EPB41L3: variants seen among roughly 807,000 people sequenced by gnomAD.
The protein encoded by EPB41L3 is erythrocyte membrane protein band 4.1 like 3.
A neutral mutation model predicts 127.1 loss-of-function variants in EPB41L3; 57 were observed. The observed-to-expected ratio is 0.45, with a 90% CI of 0.36 to 0.56. The LOEUF (loss-of-function observed/expected upper bound fraction) is 0.56. Ranked by LOEUF, EPB41L3 falls within the 20% of genes least tolerant of loss-of-function variation. The pLI, the probability that EPB41L3 is intolerant of heterozygous loss-of-function variation, is 0.00. For missense variants in EPB41L3, 1,273 were observed against 1,372.2 expected, an observed-to-expected ratio of 0.93 and a Z score of 1.14; for synonymous variants, 572 against 549.5, an observed-to-expected ratio of 1.04 and a Z score of -0.57.
At position 5,406,837 on chromosome 18, in the gene EPB41L3, G is replaced by C. The variant is rs569408156; in HGVS notation, c.2289C>G (p.Pro763=). The change falls in exon 16 of 23, where the codon CCC becomes CCG. Residue 763 remains proline (P), a synonymous_variant. Transcript: ENST00000341928. ...CCTCCTGCCTGGCGGCCAGTCGCACGGGGGAGGTGGAAAGCCTCTTCTCCC... is the reference window on the plus strand; with the variant it reads ...CCTCCTGCCTGGCGGCCAGTCGCACCGGGGAGGTGGAAAGCCTCTTCTCCC... ...NEWEKRLSTS[P]VRLAARQEDA... The C allele has an allele frequency of 1.2e-6, 2 of 1,614,146 alleles. No homozygotes were observed. Among genetic ancestry groups the C allele is most frequent in the Non-Finnish European group, 8.5e-7 (1 of 1,180,010 alleles).
chr18:5,505,810 T>C (rs1222815726), intron 1 of EPB41L3, among the ~76,000 whole-genome samples: 66 of 27,634 alleles, frequency 2.4e-3, no homozygotes, highest in Admixed American at 4.4e-3. Context: ...CTCCACCCCT[T>C]CCCTCTACAC....
intron 3 of EPB41L3, among the ~76,000 whole-genome samples, chr18:5,606,585 A>G (rs144587228): frequency 4.2e-4 from 64 of 152,178 alleles, no homozygotes; most frequent in African/African-American, 1.5e-3. Context: ...TCATTTTTCT[A>G]TTTATTTGGT....
intron 2 of EPB41L3, among the ~76,000 whole-genome samples, chr18:5,481,808 T>C (rs1187695704): frequency 2.0e-5 from 3 of 151,876 alleles, no homozygotes; most frequent in Non-Finnish European, 2.9e-5. Flanking sequence ...CAAGCGGCAC[T>C]CCCATCGCTT....
rs144024379 is a variant in EPB41L3 at position 5,414,339 on chromosome 18, C to A, written c.2067+1479G>T. 2.4e-3 allele frequency among the ~76,000 whole-genome samples: 365 copies of A among 152,248 alleles called. 1 individual carries two copies. Among genetic ancestry groups the A allele is most frequent in the African/African-American group, 8.1e-3 (335 of 41,548 alleles). ...TTGGAGCAAATCGTTATATATAACT[C>A]AAGAACCTTGAAAATGTCTCTTATG... On this transcript the variant is annotated intron_variant, in intron 13 of 22. Coordinates refer to ENST00000341928, the MANE Select transcript of EPB41L3 (RefSeq NM_012307.5).
chr18:5,586,248 A>AT (rs1472776488), intron 3 of EPB41L3, among the ~76,000 whole-genome samples: 1 of 152,206 alleles, frequency 6.6e-6, no homozygotes, highest in Non-Finnish European at 1.5e-5. Context: ...ATTTTGGCAT[A>AT]TGTCAGACTT....
In EPB41L3 at chr18:5,489,098, G is replaced by A. The variant is rs776307591; in HGVS notation, c.86C>T (p.Ala29Val). Reference sequence around the variant, plus strand: ...GGGCGGCTCCGGCACGGGCGCCCCCGCGCGCCCCTGCGCCCCCGCCGCCTC... The same window carrying A: ...GGGCGGCTCCGGCACGGGCGCCCCCACGCGCCCCTGCGCCCCCGCCGCCTC... ...PQEAAGAQGR[A>V]GAPVPEPPKE... The change falls in exon 2 of 23, where the codon GCG becomes GTG. Residue 29 changes from alanine to valine, a missense_variant. Coordinates refer to ENST00000341928, the MANE Select transcript of EPB41L3 (RefSeq NM_012307.5). The A allele has an allele frequency of 8.2e-6, 13 of 1,592,318 alleles. No homozygotes were observed. The East Asian group carries it at 1.1e-4, about 14-fold the overall frequency.
intron 3 of EPB41L3, among the ~76,000 whole-genome samples, chr18:5,558,744 C>G (rs965939545): frequency 6.6e-6 from 1 of 152,192 alleles, no homozygotes; most frequent in African/African-American, 2.4e-5. Context: ...ATATTAAGCT[C>G]CTCCAATTGT....
At chr18:5,447,257 T>C (rs2081597224) in intron 3 of EPB41L3, among the ~76,000 whole-genome samples, 1 of 152,182 alleles carries the variant, frequency 6.6e-6, no homozygotes, top group Non-Finnish European at 1.5e-5. Context: ...ATTCCATAGA[T>C]GTCAGCTATT....
chr18:5,416,281 T>A lies in EPB41L3; in HGVS notation c.1604A>T (p.Asn535Ile), dbSNP rs776750033. The change falls in exon 13 of 23, where the codon AAT becomes ATT. Residue 535 changes from asparagine (N) to isoleucine (I), a missense_variant. Physicochemically the swap from Asn to Ile is moderately radical, Grantham distance 149. This residue lies in a region of EPB41L3 where 765 missense variants were observed against 782.9 expected (regional missense o/e 0.98). Coordinates refer to ENST00000341928, the MANE Select transcript of EPB41L3 (RefSeq NM_012307.5). ...PTELRRRCKE[N>I]DCKLPGYEPS... ...CTCATAACCTGGCAGTTTGCAGTCATTCTCCTTACACCTCCTACGGAGCTC... is the reference window on the plus strand; with the variant it reads ...CTCATAACCTGGCAGTTTGCAGTCAATCTCCTTACACCTCCTACGGAGCTC... 6.2e-7 allele frequency: 1 copy of A among 1,614,112 alleles called. No individual in the cohort carries two copies. Among genetic ancestry groups the A allele is most frequent in the Admixed American group, 1.7e-5 (1 of 60,008 alleles).
upstream of EPB41L3, among the ~76,000 whole-genome samples, chr18:5,547,056 T>TACTACTC (rs1370442128): frequency 1.3e-5 from 2 of 151,874 alleles, no homozygotes; most frequent in Non-Finnish European, 2.9e-5. Flanking sequence ...TATCACCTCT[T>TACTACTC]ACTAAGTAAA....
At chr18:5,507,061 G>C (rs527741508) in intron 1 of EPB41L3, among the ~76,000 whole-genome samples, 16 of 152,096 alleles carry the variant, frequency 1.1e-4, no homozygotes, top group Non-Finnish European at 2.1e-4. Context: ...AAATGAAACA[G>C]GCAAACATGT....
intron 16 of EPB41L3, chr18:5,398,514 T>G: frequency 2.5e-6 from 1 of 403,530 alleles, no homozygotes; most frequent in Admixed American, 4.3e-5. Context: ...GAAAAAAAAT[T>G]AAGAAGCTGG....
chr18:5,436,147 G>A (rs1354107105), intron 6 of EPB41L3, among the ~76,000 whole-genome samples: 2 of 152,244 alleles, frequency 1.3e-5, no homozygotes, highest in Non-Finnish European at 2.9e-5. Context: ...ACATTGATGA[G>A]TTTTAATAAT....
At chr18:5,606,284 G>A (rs557715791) in intron 3 of EPB41L3, among the ~76,000 whole-genome samples, 2 of 152,224 alleles carry the variant, frequency 1.3e-5, no homozygotes, top group South Asian at 2.1e-4. Flanking sequence ...GGGTTATATC[G>A]ATAACATCTT....
chr18:5,490,003 A>C (rs1183780366), intron 1 of EPB41L3, among the ~76,000 whole-genome samples: 3 of 152,230 alleles, frequency 2.0e-5, no homozygotes, highest in African/African-American at 7.2e-5. Flanking sequence ...ATTGCAAGTC[A>C]AGATGTTTCA....
At chr18:5,395,944 T>C (rs1343994631) in intron 19 of EPB41L3, among the ~76,000 whole-genome samples, 1 of 152,176 alleles carries the variant, frequency 6.6e-6, no homozygotes, top group Non-Finnish European at 1.5e-5. Flanking sequence ...TGAATATTTT[T>C]CTTTCTCTGT....
At chr18:5,583,729 A>T (rs560049439) in intron 3 of EPB41L3, among the ~76,000 whole-genome samples, 1 of 151,586 alleles carries the variant, frequency 6.6e-6, no homozygotes, top group African/African-American at 2.4e-5. Context: ...CTTAAAATTG[A>T]AGAGCTATAT....
At position 5,469,254 on chromosome 18, in the gene EPB41L3, C is replaced by T. The variant is rs1355429215; in HGVS notation, c.381+8987G>A. On this transcript the variant is annotated intron_variant, in intron 3 of 22. Coordinates refer to ENST00000341928, the MANE Select transcript of EPB41L3 (RefSeq NM_012307.5). The stretch of plus-strand genomic sequence containing the variant: ...GACCTAGAGCCTCCCTGAGCCAGGG[C>T]TGTGACATCCTCTTTGGGGGGTCTG... Among the ~76,000 whole-genome samples, 7 of 152,224 alleles carry T rather than the reference C, an allele frequency of 4.6e-5. No homozygotes were observed. In the East Asian group the frequency reaches 1.3e-3, roughly 29 times the overall value.
chr18:5,405,546 C>CT (rs11400759), intron 16 of EPB41L3, among the ~76,000 whole-genome samples: 9,470 of 151,958 alleles, frequency 0.062, 443 homozygotes, highest in African/African-American at 0.13. Context: ...AAAGAGCTTC[C>CT]TTGGGAGGCT....
Sources: allele counts gnomAD v4.1 joint callset (sites outside exome capture counted in the v4.1 genomes callset), GRCh38; gene constraint gnomAD v4.1.1; regional missense constraint gnomAD v4.1.1; transcripts MANE v1.5; gene names NCBI Gene and HGNC (gene_info 2026-07-23, HGNC 2026-07-21).